Variants in DYNLL2 observed in about 807,000 individuals in gnomAD.
DYNLL2 encodes dynein light chain 2, cytoplasmic.
Under a neutral mutation model 9.7 loss-of-function variants are expected in DYNLL2, and 1 was observed. The ratio of observed to expected loss-of-function variants is 0.10; its 90% CI spans 0.04 to 0.49. The LOEUF is 0.49. DYNLL2 is among the 20% of genes least tolerant of loss of function. DYNLL2 has a pLI of 0.95. For synonymous variants in DYNLL2, 35 were observed against 40.5 expected, an observed-to-expected ratio of 0.86 and a Z score of 0.52; for missense variants, 37 against 115.2, an observed-to-expected ratio of 0.32 and a Z score of 3.11.
chr17:58,086,068 G>A (rs2075758781), intron 1 of DYNLL2, among the ~76,000 whole-genome samples: 1 of 152,164 alleles, frequency 6.6e-6, no homozygotes, highest in Non-Finnish European at 1.5e-5. Flanking sequence ...AGGGGAGGAT[G>A]GGACAGAGAG....
At chr17:58,083,856 G>A (rs899588567) in intron 1 of DYNLL2, among the ~76,000 whole-genome samples, 173 bp downstream of exon 1, 5 of 151,506 alleles carry the variant, frequency 3.3e-5, no homozygotes, top group Non-Finnish European at 5.9e-5. Flanking sequence ...AGCGCAGCGC[G>A]CCCCCGCCGC....
In DYNLL2 at chr17:58,093,449, A is replaced by G. The variant is rs1415782852; in HGVS notation, c.*4170A>G. The G allele has an allele frequency of 1.3e-5, 2 of 152,216 alleles. No homozygotes were observed. The highest frequency in any genetic ancestry group is 2.9e-5 in the Non-Finnish European group (2 of 68,028). The allele number at this position is 152,216 out of a possible 1,614,324, so 9.4% of individuals were successfully genotyped here. On this transcript the variant is annotated 3_prime_UTR_variant, in exon 3 of 3. Transcript: ENST00000579991. The stretch of plus-strand genomic sequence containing the variant: ...GAGCTAGACTCAGTAATCATTAGAC[A>G]CATTTTTGGATAAGCAAACTGAATC...
In DYNLL2 at chr17:58,090,709, T is replaced by C. The variant is rs2075777001; in HGVS notation, c.*1430T>C. 1 of 133,104 alleles carries C rather than the reference T, an allele frequency of 7.5e-6. No individual in the cohort carries two copies. The highest frequency in any genetic ancestry group is 8.2e-5 in the Admixed American group (1 of 12,208). 8.2% of individuals were successfully genotyped at this position (133,104 alleles called of 1,614,324 possible). A position where few individuals can be genotyped will look rare whatever the true frequency, so the allele number is the denominator to read the frequency against. ...TGAGAGGAGGAGATTCTGAGGAGGA[T>C]GCAGGGGAAATCTTGTCTGTTAATG... On this transcript the variant is annotated 3_prime_UTR_variant, in exon 3 of 3. Transcript: ENST00000579991.
chr17:58,083,592 CAGG>C lies in DYNLL2; in HGVS notation c.-95_-93del, dbSNP rs1463850824. 6.5e-6 allele frequency: 1 copy of C among 154,270 alleles called. No individual in the cohort carries two copies. Among genetic ancestry groups the C allele is most frequent in the Non-Finnish European group, 1.4e-5 (1 of 69,426 alleles). The allele number at this position is 154,270 out of a possible 1,614,324, so 9.6% of individuals were successfully genotyped here. On this transcript the variant is annotated 5_prime_UTR_variant, in exon 1 of 3. Transcript: ENST00000579991. ...GCGGCGGCGGCGGCTGCTGCAGCTG[CAGG>C]AGGAGCCCAGGGAACACCGCCCCTG...
Position 58,094,372 on chromosome 17 carries a change from A to G in DYNLL2, c.*5093A>G, listed in dbSNP as rs926814666. Reference sequence around the variant, plus strand: ...GATGATACTGATTATTAGGGTATCTAATAAAGTTGGGGAAAGAACAAAATC... The same window carrying G: ...GATGATACTGATTATTAGGGTATCTGATAAAGTTGGGGAAAGAACAAAATC... On this transcript the variant is annotated 3_prime_UTR_variant, in exon 3 of 3. Coordinates refer to ENST00000579991, the MANE Select transcript of DYNLL2 (RefSeq NM_080677.3). 4 of 152,202 alleles carry G rather than the reference A, an allele frequency of 2.6e-5. No homozygotes were observed. The highest frequency in any genetic ancestry group is 9.7e-5 in the African/African-American group (4 of 41,430). The allele number at this position is 152,202 out of a possible 1,614,324, so 9.4% of individuals were successfully genotyped here. A position where few individuals can be genotyped will look rare whatever the true frequency, so the allele number is the denominator to read the frequency against.
chr17:58,084,467 G>T (rs1484012389), intron 1 of DYNLL2, among the ~76,000 whole-genome samples: 1 of 152,142 alleles, frequency 6.6e-6, no homozygotes. Context: ...GACTGAGGCT[G>T]CTGGCCTGGG....
At position 58,091,657 on chromosome 17, in the gene DYNLL2, G is replaced by A. The variant is rs2075780608; in HGVS notation, c.*2378G>A. 2 of 150,634 alleles carry A rather than the reference G, an allele frequency of 1.3e-5. No individual in the cohort carries two copies. Among genetic ancestry groups the A allele is most frequent in the African/African-American group, 5.0e-5 (2 of 39,940 alleles). 9.3% of individuals were successfully genotyped at this position (150,634 alleles called of 1,614,324 possible). ...GCAAAGGGTCTGGCCACTCAGAAAT[G>A]GAAAGCTGGGGATATTTAGAAAGAT... On this transcript the variant is annotated 3_prime_UTR_variant, in exon 3 of 3. Transcript: ENST00000579991.
chr17:58,087,361 C>G (rs1436272253), intron 2 of DYNLL2, 139 bp downstream of exon 2: 14 of 1,256,804 alleles, frequency 1.1e-5, no homozygotes, highest in African/African-American at 1.5e-5. Context: ...GCAAAGCAGA[C>G]AAACTAGCGA....
Position 58,090,131 on chromosome 17 carries a change from G to A in DYNLL2, c.*852G>A, listed in dbSNP as rs1417577463. 5.2e-6 allele frequency: 2 copies of A among 387,102 alleles called. No individual in the cohort carries two copies. The highest frequency in any genetic ancestry group is 4.6e-6 in the Non-Finnish European group (1 of 219,438). The allele number at this position is 387,102 out of a possible 1,614,324, so 24.0% of individuals were successfully genotyped here. ...CTTAGAGCAGCCCCTGTTGTTAGTT[G>A]GCTGGCAAGGGAATTTCTGGTGACT... is the stretch of plus-strand genomic sequence containing the variant. On this transcript the variant is annotated 3_prime_UTR_variant, in exon 3 of 3. Coordinates refer to ENST00000579991, the MANE Select transcript of DYNLL2 (RefSeq NM_080677.3).
intron 1 of DYNLL2, among the ~76,000 whole-genome samples, chr17:58,083,921 T>G (rs2075746782): frequency 1.4e-5 from 2 of 146,170 alleles, no homozygotes; most frequent in South Asian, 2.4e-4. Flanking sequence ...GCCACCCTCG[T>G]GGCGCTGCTG....
intron 1 of DYNLL2, 149 bp from the exon 2 acceptor site, chr17:58,086,933 G>A (rs1282288436): frequency 2.3e-6 from 2 of 852,632 alleles, no homozygotes; most frequent in African/African-American, 1.7e-5. Context: ...CAAAGCTTAG[G>A]GGCTCCCTCT....
rs937975796 is a variant in DYNLL2, at chr17:58,089,862, T to C, written c.*583T>C. The C allele has an allele frequency of 1.0e-5, 4 of 398,632 alleles. No homozygotes were observed. Among genetic ancestry groups the C allele is most frequent in the Non-Finnish European group, 1.8e-5 (4 of 226,298 alleles). 24.7% of individuals were successfully genotyped at this position (398,632 alleles called of 1,614,324 possible). A position where few individuals can be genotyped will look rare whatever the true frequency, so the allele number is the denominator to read the frequency against. On this transcript the variant is annotated 3_prime_UTR_variant, in exon 3 of 3. Transcript: ENST00000579991. ...GGAGGGTGGGGTGGGGATGCCTTCT[T>C]TAGGGGCCCTGAGATGTGTTTGTCT...
At chr17:58,089,090 CCTT>C in intron 2 of DYNLL2, 49 bp from the exon 3 acceptor site, 3 of 1,607,676 alleles carry the variant, frequency 1.9e-6, no homozygotes, top group East Asian at 2.2e-5. Flanking sequence ...TCTGATTTCT[CCTT>C]CTCCAGCTAC....
Position 58,089,815 on chromosome 17 carries a change from CTG to C in DYNLL2, c.*539_*540del, listed in dbSNP as rs2075773666. 1 of 398,582 alleles carries C rather than the reference CTG, an allele frequency of 2.5e-6. No homozygotes were observed. Among genetic ancestry groups the C allele is most frequent in the Admixed American group, 4.4e-5 (1 of 22,692 alleles). 24.7% of individuals were successfully genotyped at this position (398,582 alleles called of 1,614,324 possible). A position where few individuals can be genotyped will look rare whatever the true frequency, so the allele number is the denominator to read the frequency against. On this transcript the variant is annotated 3_prime_UTR_variant, in exon 3 of 3. Transcript: ENST00000579991. Reference sequence around the variant, plus strand: ...GTACCAGGGAGAATATTCCACTGAACTGTGATTCTATGGCTTGGGGCGGAGGG... The same window carrying C: ...GTACCAGGGAGAATATTCCACTGAACTGATTCTATGGCTTGGGGCGGAGGG...
At position 58,083,434 on chromosome 17, in the gene DYNLL2, C is replaced by G. The variant is rs1428162057; in HGVS notation, c.-259C>G. The G allele has an allele frequency of 9.3e-6, 1 of 107,152 alleles. No homozygotes were observed. The highest frequency in any genetic ancestry group is 3.3e-5 in the African/African-American group (1 of 29,854). 6.6% of individuals were successfully genotyped at this position (107,152 alleles called of 1,614,324 possible). ...GGCCGCGCTCAGCGGCAGAGCGGAG[C>G]GGAGCTGTGAGGCGCCAGTGCGGAG... On this transcript the variant is annotated 5_prime_UTR_variant, in exon 1 of 3. Transcript: ENST00000579991.
chr17:58,084,084 G>A (rs1036731652), intron 1 of DYNLL2, among the ~76,000 whole-genome samples: 1 of 151,970 alleles, frequency 6.6e-6, no homozygotes, highest in Non-Finnish European at 1.5e-5. Flanking sequence ...CCTCTGGGGC[G>A]TCCTTCCTGC....
chr17:58,086,526 T>A (rs1406299770), intron 1 of DYNLL2, among the ~76,000 whole-genome samples: 1 of 152,314 alleles, frequency 6.6e-6, no homozygotes, highest in Admixed American at 6.5e-5. Flanking sequence ...GAAGGCCAAG[T>A]GACTTGTCTA....
At chr17:58,088,801 CTTGA>C (rs2075769739) in intron 2 of DYNLL2, among the ~76,000 whole-genome samples, 1 of 151,954 alleles carries the variant, frequency 6.6e-6, no homozygotes, top group Non-Finnish European at 1.5e-5. Context: ...CCACTGGCCT[CTTGA>C]TTCCCTTGCT....
In DYNLL2 at chr17:58,089,562, C is replaced by T; in HGVS notation, c.*283C>T. 2.2e-6 allele frequency: 1 copy of T among 461,544 alleles called. No homozygotes were observed. Among genetic ancestry groups the T allele is most frequent in the Non-Finnish European group, 3.7e-6 (1 of 267,500 alleles). 28.6% of individuals were successfully genotyped at this position (461,544 alleles called of 1,614,324 possible). ...GAAATCTCTCCCACCTCTCCCTTTTCTCTTTCTTTCCCTATACAAAATAAA... is the reference window on the plus strand; with the variant it reads ...GAAATCTCTCCCACCTCTCCCTTTTTTCTTTCTTTCCCTATACAAAATAAA... On this transcript the variant is annotated 3_prime_UTR_variant, in exon 3 of 3. Coordinates refer to ENST00000579991, the MANE Select transcript of DYNLL2 (RefSeq NM_080677.3).
Sources: gnomAD v4.1 joint callset for allele counts (sites outside exome capture counted in the v4.1 genomes callset) on GRCh38, gnomAD v4.1.1 for gene constraint, MANE v1.5 for transcripts, NCBI Gene and HGNC (gene_info 2026-07-23, HGNC 2026-07-21) for gene names.